FOXO1: variants seen among roughly 807,000 people sequenced by gnomAD.
The protein encoded by FOXO1 is forkhead box protein O1.
A neutral mutation model predicts 44.1 loss-of-function variants in FOXO1; 6 were observed. That is an observed-to-expected ratio of 0.14 (90% confidence interval 0.07 to 0.27). FOXO1 has a LOEUF of 0.27. Among genes scored for constraint, FOXO1 ranks in the 10% least tolerant of loss-of-function variants. The pLI, the probability that FOXO1 is intolerant of heterozygous loss-of-function variation, is 1.00. For synonymous variants in FOXO1, 380 were observed against 362.7 expected (o/e 1.05, Z -0.54); for missense variants, 737 against 888.8 (o/e 0.83, Z 2.17).
chr13:40,584,469 CAAAAAAAAAAAA>C (rs55733141), intron 1 of FOXO1, among the ~76,000 whole-genome samples: 908 of 63,082 alleles, frequency 0.014, 2 homozygotes, highest in Middle Eastern at 0.064. Context: ...ACAAAAAATG[CAAAAAAAAAAAA>C]AAAAAAAAAA....
At chr13:40,581,143 G>C (rs913965285) in intron 1 of FOXO1, among the ~76,000 whole-genome samples, 1 of 152,174 alleles carries the variant, frequency 6.6e-6, no homozygotes, top group Admixed American at 6.5e-5. Flanking sequence ...GGTGTCCAGA[G>C]AGCATCACTG....
intron 1 of FOXO1, among the ~76,000 whole-genome samples, chr13:40,613,692 AC>A (rs1330152485): frequency 6.6e-6 from 1 of 152,214 alleles, no homozygotes; most frequent in Non-Finnish European, 1.5e-5. Context: ...TGCATTTGAA[AC>A]AGGTCCCCAA....
intron 1 of FOXO1, among the ~76,000 whole-genome samples, chr13:40,603,661 C>T (rs1875892335): frequency 6.6e-6 from 1 of 152,176 alleles, no homozygotes; most frequent in Non-Finnish European, 1.5e-5. Flanking sequence ...AGGAATCCAA[C>T]TGAACCCCTT....
At chr13:40,646,023 C>T (rs1048274846) in intron 1 of FOXO1, among the ~76,000 whole-genome samples, 46 of 150,448 alleles carry the variant, frequency 3.1e-4, no homozygotes, top group African/African-American at 1.1e-3. Context: ...GCCTAGATCA[C>T]GCCACTGCAC....
chr13:40,629,556 A>G (rs1019522014), intron 1 of FOXO1, among the ~76,000 whole-genome samples: 1 of 152,108 alleles, frequency 6.6e-6, no homozygotes, highest in Admixed American at 6.5e-5. Flanking sequence ...TGGACTTTGG[A>G]TTTTTTCAGA....
At chr13:40,610,889 G>A (rs1593399105) in intron 1 of FOXO1, 2 of 266,016 alleles carry the variant, frequency 7.5e-6, no homozygotes, top group East Asian at 2.5e-4. Flanking sequence ...TATTTAAATG[G>A]TCAACCACAT....
rs1436108953 is a variant in FOXO1 at position 40,666,227 on chromosome 13, C to G, written c.-15G>C. 1 of 1,389,776 alleles carries G rather than the reference C, an allele frequency of 7.2e-7. No homozygotes were observed. Among genetic ancestry groups the G allele is most frequent in the Non-Finnish European group, 9.3e-7 (1 of 1,072,890 alleles). 86.1% of individuals were successfully genotyped at this position (1,389,776 alleles called of 1,614,324 possible). A position where few individuals can be genotyped will look rare whatever the true frequency, so the allele number is the denominator to read the frequency against. On this transcript the variant is annotated 5_prime_UTR_variant, in exon 1 of 3. Transcript: ENST00000379561. ...GCCTCGGCCATGGTGACCCCCGCCC[C>G]TCCCCCAGCCGCAGGAGAGCCAAGA... is the stretch of plus-strand genomic sequence containing the variant.
In FOXO1 at chr13:40,556,887, A is replaced by C. The variant is rs980914891; in HGVS notation, c.*2162T>G. On this transcript the variant is annotated 3_prime_UTR_variant, in exon 3 of 3. Transcript: ENST00000379561. The stretch of plus-strand genomic sequence containing the variant: ...AAAGTGACAGTACGTAGTAATAGAA[A>C]TTAGTACACAAGTACTTTGGCACCA... The C allele has an allele frequency of 2.0e-5, 3 of 152,186 alleles. No individual in the cohort carries two copies. The highest frequency in any genetic ancestry group is 7.2e-5 in the African/African-American group (3 of 41,452). 9.4% of individuals were successfully genotyped at this position (152,186 alleles called of 1,614,324 possible).
intron 1 of FOXO1, among the ~76,000 whole-genome samples, chr13:40,621,799 T>G (rs576997414): frequency 1.3e-5 from 2 of 152,356 alleles, no homozygotes; most frequent in East Asian, 3.9e-4. Flanking sequence ...TGAGAGTATG[T>G]GGCTGAATGT....
chr13:40,597,946 T>C (rs886221321), intron 1 of FOXO1, among the ~76,000 whole-genome samples: 1 of 152,170 alleles, frequency 6.6e-6, no homozygotes, highest in Admixed American at 6.5e-5. Flanking sequence ...TGTTAACCTG[T>C]TATGGTGGCG....
At chr13:40,629,044 C>CCTCAATACTTGAATTCAACAAGGGATTG in intron 1 of FOXO1, among the ~76,000 whole-genome samples, 1 of 152,366 alleles carries the variant, frequency 6.6e-6, no homozygotes, top group East Asian at 1.9e-4. Flanking sequence ...CATCCTAAGA[C>CCTCAATACTTGAATTCAACAAGGGATTG]CTCAATACTT....
intron 1 of FOXO1, among the ~76,000 whole-genome samples, chr13:40,592,120 T>C (rs1004690556): frequency 2.0e-5 from 3 of 152,196 alleles, no homozygotes; most frequent in Non-Finnish European, 1.5e-5. Flanking sequence ...ATCTGTATCC[T>C]CACCCATCAA....
At chr13:40,564,782 A>T (rs1369357498) in intron 1 of FOXO1, among the ~76,000 whole-genome samples, 3 of 149,466 alleles carry the variant, frequency 2.0e-5, no homozygotes, top group African/African-American at 7.3e-5. Flanking sequence ...ACGGCACTAG[A>T]GAAACACAAG....
chr13:40,664,583 G>C (rs113181287), intron 1 of FOXO1, among the ~76,000 whole-genome samples: 1,864 of 152,170 alleles, frequency 0.012, 49 homozygotes, highest in African/African-American at 0.042. Context: ...CCCCCCGCCT[G>C]GTCCTCCATG....
At chr13:40,591,515 C>A (rs1875368649) in intron 1 of FOXO1, among the ~76,000 whole-genome samples, 1 of 152,148 alleles carries the variant, frequency 6.6e-6, no homozygotes, top group African/African-American at 2.4e-5. Context: ...TGGTGCCATA[C>A]TTACTGGGCA....
chr13:40,601,482 A>G (rs1313448264), intron 1 of FOXO1, among the ~76,000 whole-genome samples: 1 of 152,248 alleles, frequency 6.6e-6, no homozygotes, highest in Non-Finnish European at 1.5e-5. Flanking sequence ...AATTAAAACA[A>G]TATGGCTGAC....
intron 1 of FOXO1, among the ~76,000 whole-genome samples, chr13:40,589,396 A>G (rs1014196028): frequency 6.6e-6 from 1 of 152,232 alleles, no homozygotes; most frequent in South Asian, 2.1e-4. Flanking sequence ...TATAGAAACA[A>G]CTTTCATATC....
chr13:40,583,915 C>T (rs1337169525), intron 1 of FOXO1, among the ~76,000 whole-genome samples: 1 of 152,194 alleles, frequency 6.6e-6, no homozygotes, highest in Non-Finnish European at 1.5e-5. Flanking sequence ...TTTATACATG[C>T]CTTCCTCACT....
chr13:40,581,393 G>A (rs1435281295), intron 1 of FOXO1, among the ~76,000 whole-genome samples: 5 of 152,178 alleles, frequency 3.3e-5, no homozygotes, highest in Admixed American at 2.0e-4. Context: ...TCCTTGATCA[G>A]TCATCCTTTT....
Sources: allele counts gnomAD v4.1 joint callset (sites outside exome capture counted in the v4.1 genomes callset), GRCh38; gene constraint gnomAD v4.1.1; transcripts MANE v1.5; gene names NCBI Gene and HGNC (gene_info 2026-07-23, HGNC 2026-07-21).